MYRFL: variants seen among roughly 807,000 people sequenced by gnomAD.
MYRFL encodes the protein myelin regulatory factor-like protein.
MYRFL carries 88 observed loss-of-function variants against 109.4 expected under a neutral mutation model. The ratio of observed to expected loss-of-function variants is 0.80; its 90% CI spans 0.68 to 0.96. The LOEUF is 0.96. Among genes scored for constraint, MYRFL ranks in the 40% least tolerant of loss-of-function variants. The pLI is 0.00. For synonymous variants in MYRFL, 324 were observed against 320.9 expected (o/e 1.01, Z -0.10); for missense variants, 957 against 954.9 (o/e 1.00, Z -0.03).
In MYRFL at chr12:69,861,389, C is replaced by A. The variant is rs1884653555; in HGVS notation, c.137+6019C>A. Among the ~76,000 whole-genome samples, 5 of 152,312 alleles carry A rather than the reference C, an allele frequency of 3.3e-5. 1 individual carries two copies. The South Asian group carries it at 1.0e-3, about 32-fold the overall frequency. On this transcript the variant is annotated intron_variant, in intron 2 of 24. Transcript: ENST00000552032. ...ACAGTGTAAAAGTGTTCCTGTTTCT[C>A]CACATCCTCTCCAGCATCTGTTGTT...
chr12:69,860,345 A>C (rs1279705990), intron 2 of MYRFL, among the ~76,000 whole-genome samples: 1 of 152,026 alleles, frequency 6.6e-6, no homozygotes, highest in Non-Finnish European at 1.5e-5. Flanking sequence ...TATCCATTCT[A>C]TCATTGATGG....
chr12:69,888,779 C>A (rs1391373405), intron 6 of MYRFL, among the ~76,000 whole-genome samples: 1 of 152,088 alleles, frequency 6.6e-6, no homozygotes, highest in Non-Finnish European at 1.5e-5. Flanking sequence ...TTCTTATTAC[C>A]CTCTGTAGTA....
intron 2 of MYRFL, among the ~76,000 whole-genome samples, chr12:69,868,139 C>G (rs1395094365): frequency 6.7e-6 from 1 of 148,756 alleles, no homozygotes; most frequent in Non-Finnish European, 1.5e-5. Flanking sequence ...CGGAGTCTCG[C>G]TCTGTTGCCC....
intron 1 of MYRFL, among the ~76,000 whole-genome samples, chr12:69,849,329 T>G (rs1459264565): frequency 6.6e-6 from 1 of 152,266 alleles, no homozygotes; most frequent in Non-Finnish European, 1.5e-5. Flanking sequence ...ATATATGAAT[T>G]CTAGTATTGA....
chr12:69,919,591 G>A (rs1201992141), intron 13 of MYRFL, among the ~76,000 whole-genome samples: 1 of 152,098 alleles, frequency 6.6e-6, no homozygotes, highest in African/African-American at 2.4e-5. Context: ...CTGCTTTTCT[G>A]GTTTAAGGAT....
At chr12:69,894,972 AG>A (rs1445697711) in intron 8 of MYRFL, among the ~76,000 whole-genome samples, 1 of 152,216 alleles carries the variant, frequency 6.6e-6, no homozygotes, top group Non-Finnish European at 1.5e-5. Flanking sequence ...AAATATGTGA[AG>A]GGGATGCAAA....
chr12:69,897,365 G>A, intron 10 of MYRFL, 119 bp downstream of exon 10: 1 of 786,916 alleles, frequency 1.3e-6, no homozygotes, highest in Non-Finnish European at 2.1e-6. Flanking sequence ...AGTAATGGCA[G>A]AAACTATTAT....
intron 19 of MYRFL, among the ~76,000 whole-genome samples, chr12:69,945,726 G>A (rs1190278627): frequency 1.3e-5 from 2 of 151,928 alleles, no homozygotes; most frequent in Admixed American, 1.3e-4. Context: ...GGTGGCTCAC[G>A]CCTGTAATCC....
At chr12:69,887,397 T>C (rs1886524664) in intron 6 of MYRFL, among the ~76,000 whole-genome samples, 1 of 152,214 alleles carries the variant, frequency 6.6e-6, no homozygotes, top group Non-Finnish European at 1.5e-5. Context: ...GAATGAATAT[T>C]ACCAAGTTCA....
chr12:69,947,691 C>T (rs973919742), intron 19 of MYRFL, among the ~76,000 whole-genome samples: 2 of 152,082 alleles, frequency 1.3e-5, no homozygotes, highest in African/African-American at 4.8e-5. Flanking sequence ...AATTCATGCT[C>T]ATTTTGTTTT....
At chr12:69,893,981 T>C in intron 8 of MYRFL, 141 bp downstream of exon 8, 1 of 208,434 alleles carries the variant, frequency 4.8e-6, no homozygotes, top group Non-Finnish European at 8.6e-6. Context: ...TCCAAATTAA[T>C]AATGTTAATT....
At chr12:69,913,394 G>T (rs895516036) in intron 13 of MYRFL, among the ~76,000 whole-genome samples, 2 of 152,152 alleles carry the variant, frequency 1.3e-5, no homozygotes, top group African/African-American at 4.8e-5. Flanking sequence ...ATATTGTAAA[G>T]ATTGTGCCCT....
intron 6 of MYRFL, 87 bp downstream of exon 6, chr12:69,887,057 C>T (rs1886501655): frequency 1.4e-6 from 2 of 1,386,684 alleles, no homozygotes; most frequent in Non-Finnish European, 1.9e-6. Flanking sequence ...GCTTTGATGT[C>T]ACCTCTGGTC....
At chr12:69,941,290 C>T (rs1301715410) in intron 19 of MYRFL, among the ~76,000 whole-genome samples, 285 of 106,952 alleles carry the variant, frequency 2.7e-3, no homozygotes, top group Non-Finnish European at 4.4e-3. Flanking sequence ...GGAAGTAAAG[C>T]TCTCCTCAGC....
chr12:69,874,823 C>T lies in MYRFL; in HGVS notation c.138-4205C>T, dbSNP rs146122369. ...GATTAGTCAGTGATTATTTGAATCA[C>T]TATGACCCTGCACATAAGGTACTGT... On this transcript the variant is annotated intron_variant, in intron 2 of 24. Transcript: ENST00000552032. Among the ~76,000 whole-genome samples the T allele has an allele frequency of 1.3e-3, 194 of 152,156 alleles. 1 individual carries two copies. Among genetic ancestry groups the T allele is most frequent in the African/African-American group, 4.5e-3 (186 of 41,556 alleles).
intron 10 of MYRFL, among the ~76,000 whole-genome samples, chr12:69,902,229 G>T (rs941489799): frequency 3.9e-5 from 6 of 152,148 alleles, no homozygotes; most frequent in Non-Finnish European, 7.4e-5. Flanking sequence ...AGTATCAATG[G>T]TTGAGTCTTC....
chr12:69,859,521 T>C (rs1304660625), intron 2 of MYRFL, among the ~76,000 whole-genome samples: 9 of 152,244 alleles, frequency 5.9e-5, no homozygotes, highest in Non-Finnish European at 7.3e-5. Context: ...TGTATTGAAT[T>C]GAAAAGTTAT....
chr12:69,879,599 C>A, intron 4 of MYRFL, 146 bp downstream of exon 4: 1 of 576,822 alleles, frequency 1.7e-6, no homozygotes, highest in African/African-American at 1.9e-5. Flanking sequence ...TCGCGAGGTC[C>A]CAGTGTTCTT....
intron 11 of MYRFL, among the ~76,000 whole-genome samples, 167 bp from the exon 12 acceptor site, chr12:69,909,802 C>T (rs865900219): frequency 3.3e-5 from 5 of 152,094 alleles, no homozygotes; most frequent in South Asian, 4.1e-4. Context: ...GTGGCTGGGT[C>T]CTGAAGGGCC....
Sources: allele counts gnomAD v4.1 joint callset (sites outside exome capture counted in the v4.1 genomes callset), GRCh38; gene constraint gnomAD v4.1.1; transcripts MANE v1.5; gene names NCBI Gene and HGNC (gene_info 2026-07-23, HGNC 2026-07-21).